The following PTPRN2 variants were observed in gnomAD, a reference collection of about 807,000 sequenced individuals.
The protein encoded by PTPRN2 is receptor-type tyrosine-protein phosphatase N2.
A neutral mutation model predicts 118.8 loss-of-function variants in PTPRN2; 74 were observed. The ratio of observed to expected loss-of-function variants is 0.62; its 90% CI spans 0.52 to 0.76. The LOEUF is 0.76. Among genes scored for constraint, PTPRN2 ranks in the 30% least tolerant of loss-of-function variants. The pLI, the probability that PTPRN2 is intolerant of heterozygous loss-of-function variation, is 0.00. For missense variants in PTPRN2, 1,481 were observed against 1,394.4 expected (o/e 1.06, Z -0.99); for synonymous variants, 641 against 608.0 (o/e 1.05, Z -0.80).
intron 11 of PTPRN2, among the ~76,000 whole-genome samples, chr7:157,966,082 C>A (rs1200945191): frequency 6.6e-6 from 1 of 151,710 alleles, no homozygotes; most frequent in Non-Finnish European, 1.5e-5. Flanking sequence ...AGTCTAATTC[C>A]AACAGGAGTA....
intron 12 of PTPRN2, among the ~76,000 whole-genome samples, chr7:157,703,577 G>A (rs373914173): frequency 7.9e-5 from 12 of 152,152 alleles, no homozygotes; most frequent in Non-Finnish European, 1.2e-4. Flanking sequence ...ACGTCAAGCC[G>A]TCCAGGAGAG....
intron 4 of PTPRN2, among the ~76,000 whole-genome samples, chr7:158,200,797 T>G (rs1826586380): frequency 2.0e-5 from 3 of 152,134 alleles, no homozygotes; most frequent in Admixed American, 2.0e-4. Flanking sequence ...TACCAAACAT[T>G]TATTGTTTCA....
chr7:157,919,708 C>T (rs1439332604), intron 11 of PTPRN2, among the ~76,000 whole-genome samples: 2 of 152,198 alleles, frequency 1.3e-5, no homozygotes, highest in Admixed American at 6.5e-5. Flanking sequence ...CACATAATCA[C>T]AGATGCAGTG....
At chr7:158,495,849 G>A (rs904416154) in intron 1 of PTPRN2, among the ~76,000 whole-genome samples, 1 of 152,138 alleles carries the variant, frequency 6.6e-6, no homozygotes, top group Non-Finnish European at 1.5e-5. Flanking sequence ...CAGGGCATCT[G>A]GCTTCTGTGG....
intron 11 of PTPRN2, among the ~76,000 whole-genome samples, chr7:158,010,353 C>A (rs1182442079): frequency 6.6e-6 from 1 of 152,194 alleles, no homozygotes; most frequent in African/African-American, 2.4e-5. Flanking sequence ...CACAGACACA[C>A]AAATAACCTG....
intron 3 of PTPRN2, among the ~76,000 whole-genome samples, chr7:158,238,406 G>A (rs1177394793): frequency 6.6e-6 from 1 of 152,066 alleles, no homozygotes; most frequent in Non-Finnish European, 1.5e-5. Context: ...GAGACGCGGG[G>A]CACAGGAAGG....
intron 2 of PTPRN2, among the ~76,000 whole-genome samples, chr7:158,351,215 C>G (rs144217293): frequency 6.6e-6 from 1 of 152,178 alleles, no homozygotes; most frequent in African/African-American, 2.4e-5. Flanking sequence ...CCTCCACCCA[C>G]CCCCAGGGGT....
intron 11 of PTPRN2, among the ~76,000 whole-genome samples, chr7:157,995,172 T>A (rs1481924714): frequency 6.7e-6 from 1 of 149,044 alleles, no homozygotes; most frequent in Non-Finnish European, 1.5e-5. Context: ...CAACGCCACG[T>A]CCCCAGCTTA....
chr7:158,341,586 TGACACCCGCAGACATCACTCA>T (rs1806811451), intron 2 of PTPRN2, among the ~76,000 whole-genome samples: 1 of 75,442 alleles, frequency 1.3e-5, no homozygotes, highest in Admixed American at 1.5e-4. Context: ...CCATAAGAGG[TGACACCCGCAGACATCACTCA>T]CACCCACACT....
At chr7:158,084,193 T>A (rs116520439) in intron 10 of PTPRN2, among the ~76,000 whole-genome samples, 42 of 152,282 alleles carry the variant, frequency 2.8e-4, no homozygotes, top group African/African-American at 1.0e-3. Flanking sequence ...GCTGAGCTGC[T>A]GGCTCTGCCC....
intron 1 of PTPRN2, among the ~76,000 whole-genome samples, chr7:158,504,081 C>T (rs1353018579): frequency 6.6e-6 from 1 of 151,950 alleles, no homozygotes; most frequent in East Asian, 1.9e-4. Flanking sequence ...AAGAATAATA[C>T]AATACCAGTT....
At chr7:157,906,737 C>T (rs1797790488) in intron 11 of PTPRN2, among the ~76,000 whole-genome samples, 1 of 152,154 alleles carries the variant, frequency 6.6e-6, no homozygotes, top group Non-Finnish European at 1.5e-5. Context: ...GGGGCACACG[C>T]TGTTCTCCCA....
intron 2 of PTPRN2, among the ~76,000 whole-genome samples, chr7:158,355,360 G>C (rs1808305660): frequency 6.6e-6 from 1 of 152,204 alleles, no homozygotes; most frequent in African/African-American, 2.4e-5. Context: ...CAAATGTTCT[G>C]TGTTTGCATG....
Position 157,560,946 on chromosome 7 carries a change from G to A in PTPRN2, c.2902+7956C>T, listed in dbSNP as rs193285698. Among the ~76,000 whole-genome samples, 2 of 152,304 alleles carry A rather than the reference G, an allele frequency of 1.3e-5. No individual in the cohort carries two copies. Among genetic ancestry groups the A allele is most frequent in the African/African-American group, 4.8e-5 (2 of 41,566 alleles). On this transcript the variant is annotated intron_variant, in intron 21 of 22. Coordinates refer to ENST00000389418, the MANE Select transcript of PTPRN2 (RefSeq NM_002847.5). The surrounding 1 kb of genome is among the most constrained non-coding windows in gnomAD (Gnocchi z 6.7). ...TCATCTGCAGAAGGCTGAGCCTCAT[G>A]CACCTGCACCTCCTTCTCTTGGTGC... is the stretch of plus-strand genomic sequence containing the variant.
At chr7:158,164,347 C>A (rs1421954158) in intron 6 of PTPRN2, among the ~76,000 whole-genome samples, 9 of 127,212 alleles carry the variant, frequency 7.1e-5, no homozygotes, top group Non-Finnish European at 1.5e-4. Flanking sequence ...GCAGGAGTGG[C>A]GCGTAAGAAG....
intron 2 of PTPRN2, among the ~76,000 whole-genome samples, chr7:158,420,858 C>T (rs1210971838): frequency 2.6e-5 from 4 of 152,302 alleles, no homozygotes; most frequent in East Asian, 3.9e-4. Context: ...GTTTCCTCCG[C>T]GTCCCTGTTG....
chr7:157,875,045 G>GC (rs1332652441), intron 12 of PTPRN2, among the ~76,000 whole-genome samples: 3 of 150,636 alleles, frequency 2.0e-5, no homozygotes, highest in Non-Finnish European at 4.4e-5. Context: ...ACACACACGC[G>GC]CACACACAGA....
chr7:158,467,741 T>C (rs940126861), intron 2 of PTPRN2, among the ~76,000 whole-genome samples: 1 of 152,156 alleles, frequency 6.6e-6, no homozygotes, highest in African/African-American at 2.4e-5. Flanking sequence ...TGACCATATA[T>C]GGTCAGGTTT....
intron 12 of PTPRN2, among the ~76,000 whole-genome samples, chr7:157,698,459 G>A (rs1265124941): frequency 1.3e-5 from 2 of 152,206 alleles, no homozygotes; most frequent in African/African-American, 2.4e-5. Flanking sequence ...GAAACCACGT[G>A]CTTATAAACC....
Sources: gnomAD v4.1 joint callset for allele counts (sites outside exome capture counted in the v4.1 genomes callset) on GRCh38, gnomAD v4.1.1 for gene constraint, Gnocchi (gnomAD v3.1) non-coding constraint, MANE v1.5 for transcripts, NCBI Gene and HGNC (gene_info 2026-07-23, HGNC 2026-07-21) for gene names.